The following NOS1AP variants were observed in gnomAD, a reference collection of about 807,000 sequenced individuals.
NOS1AP encodes carboxyl-terminal PDZ ligand of neuronal nitric oxide synthase protein.
A neutral mutation model predicts 56.2 loss-of-function variants in NOS1AP; 21 were observed. That is an observed-to-expected ratio of 0.37 (90% CI 0.26 to 0.54). The LOEUF (loss-of-function observed/expected upper bound fraction) is 0.54, where lower values mean the gene tolerates loss of function less well. NOS1AP is among the 20% of genes least tolerant of loss of function. NOS1AP has a pLI of 0.84. For synonymous variants in NOS1AP, 270 were observed against 274.6 expected (o/e 0.98, Z 0.17); for missense variants, 522 against 657.8 (o/e 0.79, Z 2.26).
intron 1 of NOS1AP, among the ~76,000 whole-genome samples, chr1:162,106,169 G>A (rs1398002077): frequency 1.3e-5 from 2 of 152,168 alleles, no homozygotes; most frequent in Non-Finnish European, 2.9e-5. Context: ...CATGGGAGAA[G>A]CATGGTTTCC....
intron 2 of NOS1AP, among the ~76,000 whole-genome samples, chr1:162,217,811 G>A (rs1460463003): frequency 6.6e-6 from 1 of 152,128 alleles, no homozygotes; most frequent in Non-Finnish European, 1.5e-5. Flanking sequence ...AAATTAACCT[G>A]CTGCCTGGTT....
intron 2 of NOS1AP, among the ~76,000 whole-genome samples, chr1:162,267,163 G>T (rs1654449796): frequency 1.3e-5 from 2 of 152,090 alleles, no homozygotes; most frequent in African/African-American, 2.4e-5. Flanking sequence ...TGGTGTAAGT[G>T]GAAAACTAGC....
intron 2 of NOS1AP, among the ~76,000 whole-genome samples, chr1:162,194,276 C>CAGAG (rs2102158818): frequency 6.6e-6 from 1 of 152,208 alleles, no homozygotes; most frequent in South Asian, 2.1e-4. Flanking sequence ...TTTAATAGAG[C>CAGAG]AGAGAGTCTA....
intron 6 of NOS1AP, among the ~76,000 whole-genome samples, chr1:162,348,235 T>G (rs1657366761): frequency 6.6e-6 from 1 of 152,210 alleles, no homozygotes; most frequent in African/African-American, 2.4e-5. Context: ...TATGCCAAAA[T>G]GAACAGAGAT....
chr1:162,173,694 C>G (rs1489726961), intron 2 of NOS1AP, among the ~76,000 whole-genome samples: 1 of 152,142 alleles, frequency 6.6e-6, no homozygotes, highest in Non-Finnish European at 1.5e-5. Context: ...CCAGAATCTA[C>G]AATGAACTCA....
At chr1:162,295,315 CA>C (rs1655422421) in intron 3 of NOS1AP, among the ~76,000 whole-genome samples, 1 of 152,084 alleles carries the variant, frequency 6.6e-6, no homozygotes, top group Non-Finnish European at 1.5e-5. Context: ...ACACAGCTAC[CA>C]AGACTCCAAG....
chr1:162,173,311 T>G (rs1650894146), intron 2 of NOS1AP, among the ~76,000 whole-genome samples: 1 of 152,098 alleles, frequency 6.6e-6, no homozygotes, highest in Non-Finnish European at 1.5e-5. Context: ...TCTCCTCCAT[T>G]TATTAAATAG....
chr1:162,160,669 C>G (rs1451760358), intron 2 of NOS1AP, among the ~76,000 whole-genome samples: 1 of 152,170 alleles, frequency 6.6e-6, no homozygotes, highest in African/African-American at 2.4e-5. Flanking sequence ...AAGTGGCCCC[C>G]CTCAGCACCA....
intron 2 of NOS1AP, among the ~76,000 whole-genome samples, chr1:162,263,273 G>T (rs1048690854): frequency 5.1e-4 from 3 of 5,928 alleles, no homozygotes; most frequent in Admixed American, 3.8e-3. Context: ...TCTGGAAGCT[G>T]GAAATTTAAG....
Position 162,283,620 on chromosome 1 carries a change from C to T in NOS1AP, c.178-3724C>T, listed in dbSNP as rs529397856. Among the ~76,000 whole-genome samples the T allele has an allele frequency of 4.6e-5, 7 of 152,282 alleles. No individual in the cohort carries two copies. In the South Asian group the frequency reaches 1.5e-3, roughly 32 times the overall value. On this transcript the variant is annotated intron_variant, in intron 2 of 9. Coordinates refer to ENST00000361897, the MANE Select transcript of NOS1AP (RefSeq NM_014697.3). ...CTGTTGGATGCTTTTCCCAGCTTCC[C>T]CTTCCTGGACCTCACTGACTGGCAC... is the stretch of plus-strand genomic sequence containing the variant.
At chr1:162,365,361 T>C (rs1031551049) in intron 8 of NOS1AP, 43 bp from the exon 9 acceptor site, 4 of 1,613,210 alleles carry the variant, frequency 2.5e-6, no homozygotes, top group Non-Finnish European at 2.5e-6. Flanking sequence ...TGTCCCTCTC[T>C]TCTCTCTGTC....
chr1:162,320,448 G>A (rs769705784), intron 4 of NOS1AP, among the ~76,000 whole-genome samples: 3 of 152,168 alleles, frequency 2.0e-5, no homozygotes, highest in Admixed American at 1.3e-4. Context: ...GAAAGTATTC[G>A]TTTGCTTGAA....
At chr1:162,257,016 C>G (rs1422883155) in intron 2 of NOS1AP, among the ~76,000 whole-genome samples, 1 of 152,152 alleles carries the variant, frequency 6.6e-6, no homozygotes. Flanking sequence ...TTGTTCAGGC[C>G]TTTCCCAAGA....
intron 4 of NOS1AP, 123 bp from the exon 5 acceptor site, chr1:162,332,894 A>C: frequency 1.3e-6 from 1 of 744,014 alleles, no homozygotes; most frequent in Non-Finnish European, 2.4e-6. Context: ...AAGGAAGAAG[A>C]CTTTCTGTAA....
At chr1:162,283,515 G>C (rs977838316) in intron 2 of NOS1AP, among the ~76,000 whole-genome samples, 2 of 152,082 alleles carry the variant, frequency 1.3e-5, no homozygotes, top group African/African-American at 2.4e-5. Flanking sequence ...TAGAAATGAG[G>C]CTGCTGATCT....
Position 162,355,314 on chromosome 1 carries a change from T to C in NOS1AP, c.723T>C (p.Asp241=). The C allele has an allele frequency of 1.2e-6, 2 of 1,614,064 alleles. No homozygotes were observed. Among genetic ancestry groups the C allele is most frequent in the Non-Finnish European group, 1.7e-6 (2 of 1,180,018 alleles). Residue 241 remains aspartate (D), a synonymous_variant, in exon 7 of 10, where the codon GAT becomes GAC. Transcript: ENST00000361897. ...LEFSRGVTDL[D]AVGKEGGSHT... ...TCAGCCGAGGTGTGACTGATCTAGA[T>C]GCTGTAGGGAAGGAAGGAGGCTCTC...
At chr1:162,133,255 C>T (rs1285889323) in intron 1 of NOS1AP, among the ~76,000 whole-genome samples, 1 of 152,186 alleles carries the variant, frequency 6.6e-6, no homozygotes, top group African/African-American at 2.4e-5. Context: ...ATTAGATGCA[C>T]TGTGTTGGTA....
intron 1 of NOS1AP, among the ~76,000 whole-genome samples, chr1:162,086,405 C>A (rs2102018994): frequency 6.6e-6 from 1 of 152,236 alleles, no homozygotes; most frequent in African/African-American, 2.4e-5. Flanking sequence ...CACTGTATAT[C>A]TGTTATTTCT....
chr1:162,366,987 C>A, intron 9 of NOS1AP, 65 bp from the exon 10 acceptor site: 1 of 1,591,640 alleles, frequency 6.3e-7, no homozygotes, highest in Non-Finnish European at 8.6e-7. Context: ...GGGCAGAAGG[C>A]GGGCATCCCA....
Sources: gnomAD v4.1 joint callset for allele counts (sites outside exome capture counted in the v4.1 genomes callset) on GRCh38, gnomAD v4.1.1 for gene constraint, MANE v1.5 for transcripts, NCBI Gene and HGNC (gene_info 2026-07-23, HGNC 2026-07-21) for gene names.